The following COPS7B variants were observed in gnomAD, a reference collection of about 807,000 sequenced individuals.
COPS7B encodes COP9 signalosome subunit 7B.
Under a neutral mutation model 33.4 loss-of-function variants are expected in COPS7B, and 9 were observed. That is an observed-to-expected ratio of 0.27 (90% confidence interval 0.16 to 0.47). COPS7B has a LOEUF of 0.47. Among genes scored for constraint, COPS7B ranks in the 20% least tolerant of loss-of-function variants. The pLI is 0.99. For synonymous variants in COPS7B, 119 were observed against 126.3 expected, an observed-to-expected ratio of 0.94 and a Z score of 0.39; for missense variants, 242 against 318.2, an observed-to-expected ratio of 0.76 and a Z score of 1.82.
In COPS7B at chr2:231,796,211, C is replaced by G; in HGVS notation, c.433C>G (p.Leu145Val). 2 of 1,614,204 alleles carry G rather than the reference C, an allele frequency of 1.2e-6. No individual in the cohort carries two copies. The highest frequency in any genetic ancestry group is 1.7e-6 in the Non-Finnish European group (2 of 1,180,030). ...CTACACTGACATCATCCAGGGCAAG[C>G]TGGACCAGCGAAACCAGCTGCTGGA... Reference protein sequence around the residue: ...AVYTDIIQGKLDQRNQLLEVD... With the variant: ...AVYTDIIQGKVDQRNQLLEVD... Residue 145 changes from leucine to valine, a missense_variant, in exon 5 of 7, where the codon CTG becomes GTG. Leu to Val is a conservative substitution (Grantham distance 32). Transcript: ENST00000350033.
chr2:231,801,043 C>T (rs2049730178), intron 6 of COPS7B: 1 of 950,648 alleles, frequency 1.1e-6, no homozygotes, highest in Admixed American at 2.0e-5. Context: ...CTGTCGTATT[C>T]TGTTTGTATT....
In COPS7B at chr2:231,807,500, A is replaced by G; in HGVS notation, c.650A>G (p.Lys217Arg). Residue 217 changes from lysine (K) to arginine (R), a missense_variant, in exon 7 of 7, where the codon AAG (lysine) becomes AGG (arginine). Coordinates refer to ENST00000350033, the MANE Select transcript of COPS7B (RefSeq NM_022730.4). The stretch of plus-strand genomic sequence containing the variant: ...TCTCCCCACCAGGTTACCAACATCA[A>G]GAAGACACTCAAAGCCACCGCATCC... ...QQVEAEVTNI[K>R]KTLKATASSS... 2 of 1,612,626 alleles carry G rather than the reference A, an allele frequency of 1.2e-6. No homozygotes were observed. Among genetic ancestry groups the G allele is most frequent in the Non-Finnish European group, 8.5e-7 (1 of 1,179,364 alleles).
chr2:231,804,610 T>G (rs1168950657), intron 6 of COPS7B, among the ~76,000 whole-genome samples: 1 of 152,350 alleles, frequency 6.6e-6, no homozygotes, highest in East Asian at 1.9e-4. Flanking sequence ...TAAATAGTGC[T>G]TATCAGACAA....
chr2:231,792,215 G>A, intron 3 of COPS7B: 1 of 402,288 alleles, frequency 2.5e-6, no homozygotes, highest in Non-Finnish European at 5.1e-6. Context: ...TCATAGGCTG[G>A]GCGCGGTGGC....
upstream of COPS7B, chr2:231,781,954 G>C (rs529074867): frequency 1.4e-6 from 2 of 1,465,092 alleles, no homozygotes; most frequent in Non-Finnish European, 1.9e-6. Context: ...TCTTCAAATC[G>C]TGCTTGTTTG....
At position 231,807,541 on chromosome 2, in the gene COPS7B, A is replaced by G; in HGVS notation, c.691A>G (p.Met231Val). The change falls in exon 7 of 7, where the codon ATG becomes GTG. Residue 231 changes from methionine (M) to valine (V), a missense_variant. Physicochemically the swap from Met to Val is conservative, Grantham distance 21. Coordinates refer to ENST00000350033, the MANE Select transcript of COPS7B (RefSeq NM_022730.4). ...CACCGCATCCTCCTCGGCTCAGGAG[A>G]TGGAGCAGCAGCTGGCTGAACGGGA... ...KATASSSAQEMEQQLAERECP... is the reference protein window; with the variant it reads ...KATASSSAQEVEQQLAERECP... 1 of 1,613,350 alleles carries G rather than the reference A, an allele frequency of 6.2e-7. No homozygotes were observed. The highest frequency in any genetic ancestry group is 1.3e-5 in the African/African-American group (1 of 74,950).
upstream of COPS7B, among the ~76,000 whole-genome samples, chr2:231,782,086 C>A (rs377325921): frequency 6.6e-6 from 1 of 152,078 alleles, no homozygotes; most frequent in Admixed American, 6.5e-5. Flanking sequence ...GCTAATCTAT[C>A]CCCTGTTGTT....
upstream of COPS7B, among the ~76,000 whole-genome samples, chr2:231,785,778 A>G (rs988667789): frequency 6.6e-6 from 1 of 152,232 alleles, no homozygotes. Flanking sequence ...GGCATTTCTT[A>G]GCCATCTTCC....
chr2:231,794,426 C>G, intron 4 of COPS7B, 75 bp downstream of exon 4: 1 of 1,161,086 alleles, frequency 8.6e-7, no homozygotes, highest in East Asian at 2.4e-5. Context: ...TGAAGGAAGT[C>G]CCAGCTGCAC....
intron 5 of COPS7B, among the ~76,000 whole-genome samples, chr2:231,798,605 A>T (rs1426288857): frequency 6.6e-6 from 1 of 152,188 alleles, no homozygotes; most frequent in East Asian, 1.9e-4. Flanking sequence ...TCCATGAGAT[A>T]CAAAGTTGAA....
At chr2:231,795,170 C>T (rs1248790738) in intron 4 of COPS7B, among the ~76,000 whole-genome samples, 3 of 152,122 alleles carry the variant, frequency 2.0e-5, no homozygotes, top group South Asian at 2.1e-4. Context: ...CCACCTGCCT[C>T]GGCCTCCCAA....
intron 6 of COPS7B, 28 bp from the exon 7 acceptor site, chr2:231,807,459 G>A (rs772463695): frequency 1.3e-6 from 2 of 1,594,028 alleles, no homozygotes; most frequent in Admixed American, 3.5e-5. Flanking sequence ...TACAGGCTGA[G>A]CACTCCAATT....
chr2:231,801,399 G>C (rs2049740140), intron 6 of COPS7B: 2 of 671,138 alleles, frequency 3.0e-6, no homozygotes, highest in African/African-American at 2.0e-5. Flanking sequence ...GTAATACTTA[G>C]AGCATTACAA....
At chr2:231,784,419 C>G (rs2049192743), upstream of COPS7B, among the ~76,000 whole-genome samples, 1 of 151,842 alleles carries the variant, frequency 6.6e-6, no homozygotes, top group African/African-American at 2.4e-5. Context: ...AAGTTCAAGG[C>G]TGAGGTGAGC....
At position 231,796,079 on chromosome 2, in the gene COPS7B, A is replaced by C. The variant is rs746213114; in HGVS notation, c.328-27A>C. The C allele has an allele frequency of 8.1e-6, 13 of 1,602,968 alleles. No individual in the cohort carries two copies. In the African/African-American group the frequency reaches 1.6e-4, roughly 20 times the overall value. On this transcript the variant is annotated intron_variant, in intron 4 of 6. Coordinates refer to ENST00000350033, the MANE Select transcript of COPS7B (RefSeq NM_022730.4). ...CGCTAATGCTTGCCAGATGGTTTTT[A>C]TAATGATCACATGGCCTTATCTACA...
chr2:231,785,424 G>A (rs932604997), upstream of COPS7B, among the ~76,000 whole-genome samples: 5 of 152,116 alleles, frequency 3.3e-5, no homozygotes, highest in African/African-American at 9.7e-5. Flanking sequence ...GTGACAATGG[G>A]CACTACCCCC....
At chr2:231,790,076 A>C (rs2049368536) in intron 2 of COPS7B, 1 of 152,226 alleles carries the variant, frequency 6.6e-6, no homozygotes, top group South Asian at 2.1e-4. Context: ...TTTCAATAAA[A>C]ATTTAATTTA....
At chr2:231,786,361 T>C (rs1200030188), upstream of COPS7B, 1 of 829,048 alleles carries the variant, frequency 1.2e-6, no homozygotes, top group African/African-American at 1.8e-5. Context: ...GGTGGAACCT[T>C]GTGTGGGCGG....
At chr2:231,795,171 G>A (rs2049531144) in intron 4 of COPS7B, among the ~76,000 whole-genome samples, 1 of 151,622 alleles carries the variant, frequency 6.6e-6, no homozygotes, top group Admixed American at 6.6e-5. Context: ...CACCTGCCTC[G>A]GCCTCCCAAA....
Sources: allele counts gnomAD v4.1 joint callset (sites outside exome capture counted in the v4.1 genomes callset), GRCh38; gene constraint gnomAD v4.1.1; transcripts MANE v1.5; gene names NCBI Gene and HGNC (gene_info 2026-07-23, HGNC 2026-07-21).